VPS37A: variants seen among roughly 807,000 people sequenced by gnomAD.
VPS37A encodes the protein vacuolar protein sorting-associated protein 37A.
VPS37A carries 30 observed loss-of-function variants against 49.8 expected under a neutral mutation model. The observed-to-expected ratio is 0.60, with a 90% CI of 0.45 to 0.82. VPS37A has a LOEUF of 0.82. Ranked by LOEUF, VPS37A falls within the 40% of genes least tolerant of loss-of-function variation. VPS37A has a pLI of 0.00. For synonymous variants in VPS37A, 195 were observed against 160.6 expected (o/e 1.21, Z -1.62); for missense variants, 593 against 464.4 (o/e 1.28, Z -2.55).
At position 17,284,582 on chromosome 8, in the gene VPS37A, A is replaced by C; in HGVS notation, c.1079A>C (p.Asp360Ala). 6.2e-7 allele frequency: 1 copy of C among 1,600,662 alleles called. No homozygotes were observed. The highest frequency in any genetic ancestry group is 8.5e-7 in the Non-Finnish European group (1 of 1,175,500). ...TTCTTGGAGGGAAAGATGGAAATAG[A>C]TGATTTTCTCAGTAGCTTCATGGAA... The part of the protein sequence containing the change: ...EDFLEGKMEI[D>A]DFLSSFMEKR... The change falls in exon 10 of 12, where the codon GAT (aspartate) becomes GCT (alanine). Residue 360 changes from aspartate (D) to alanine (A), a missense_variant. Physicochemically the swap from Asp to Ala is moderately radical, Grantham distance 126. Transcript: ENST00000324849.
Position 17,268,902 on chromosome 8 carries a change from A to G in VPS37A, c.362A>G (p.Asp121Gly). ...GGAAAAATTATTCAGAGTCTGTTGG[A>G]TGAGTTTTGGAAGAATCCTCCAGTT... is the stretch of plus-strand genomic sequence containing the variant. ...DLGKIIQSLL[D>G]EFWKNPPVLA... is the part of the protein sequence containing the mutation. Residue 121 changes from aspartate (D) to glycine (G), a missense_variant, in exon 4 of 12, where the codon GAT (aspartate) becomes GGT (glycine). Physicochemically the swap from Asp to Gly is moderately conservative, Grantham distance 94. Coordinates refer to ENST00000324849, the MANE Select transcript of VPS37A (RefSeq NM_152415.3). The G allele has an allele frequency of 6.2e-7, 1 of 1,611,032 alleles. No individual in the cohort carries two copies. Among genetic ancestry groups the G allele is most frequent in the Non-Finnish European group, 8.5e-7 (1 of 1,179,394 alleles).
the VPS37A span, among the ~76,000 whole-genome samples, chr8:17,318,825 C>A: frequency 6.6e-6 from 1 of 152,196 alleles, no homozygotes; most frequent in Non-Finnish European, 1.5e-5. Flanking sequence ...GAAGCAGCCT[C>A]CACAGGCATC....
the VPS37A span, among the ~76,000 whole-genome samples, chr8:17,322,885 A>G: frequency 6.6e-6 from 1 of 151,502 alleles, no homozygotes; most frequent in Non-Finnish European, 1.5e-5. Flanking sequence ...TATGTAAATA[A>G]TGGGGCTTGG....
the VPS37A span, chr8:17,311,576 C>A: frequency 6.2e-7 from 1 of 1,614,140 alleles, no homozygotes; most frequent in Non-Finnish European, 8.5e-7. Flanking sequence ...CACACCTGAG[C>A]GGTCCTGTCC....
intron 4 of VPS37A, among the ~76,000 whole-genome samples, chr8:17,273,932 T>TGTAA (rs1262032791): frequency 6.6e-6 from 1 of 152,194 alleles, no homozygotes; most frequent in East Asian, 1.9e-4. Flanking sequence ...AAAACATAAC[T>TGTAA]GTAAGTCCCT....
chr8:17,264,844 T>C (rs1813296340), intron 1 of VPS37A, among the ~76,000 whole-genome samples: 1 of 152,150 alleles, frequency 6.6e-6, no homozygotes, highest in Admixed American at 6.5e-5. Context: ...ATCATGAATA[T>C]TGGTTAGAAT....
At chr8:17,289,803 G>A (rs548022591) in intron 11 of VPS37A, among the ~76,000 whole-genome samples, 11 of 152,250 alleles carry the variant, frequency 7.2e-5, no homozygotes, top group African/African-American at 1.4e-4. Context: ...CAGTATGGCC[G>A]TTATCACGAT....
chr8:17,289,320 G>C (rs948292891), intron 11 of VPS37A, among the ~76,000 whole-genome samples: 2 of 152,140 alleles, frequency 1.3e-5, no homozygotes, highest in African/African-American at 4.8e-5. Flanking sequence ...TTTTCTTCTA[G>C]GGTTTTTATG....
the VPS37A span, among the ~76,000 whole-genome samples, chr8:17,324,331 C>A: frequency 2.6e-5 from 4 of 152,308 alleles, no homozygotes; most frequent in South Asian, 6.2e-4. Flanking sequence ...AGGTATTGTG[C>A]CTGAGGCTCT....
chr8:17,325,488 T>C, the VPS37A span, among the ~76,000 whole-genome samples: 1 of 152,214 alleles, frequency 6.6e-6, no homozygotes, highest in Non-Finnish European at 1.5e-5. Flanking sequence ...TGGTTCTATT[T>C]TGAGGCCTGC....
downstream of VPS37A, chr8:17,300,198 C>G: frequency 6.2e-7 from 1 of 1,606,646 alleles, no homozygotes; most frequent in South Asian, 1.1e-5. Context: ...TGCAATTTAA[C>G]TGGACCTTTT....
the VPS37A span, among the ~76,000 whole-genome samples, chr8:17,325,906 G>A: frequency 1.3e-5 from 2 of 152,138 alleles, no homozygotes; most frequent in African/African-American, 2.4e-5. Context: ...ATTTCATTGA[G>A]TGCTTATTTT....
downstream of VPS37A, among the ~76,000 whole-genome samples, chr8:17,306,782 G>C (rs1317106112): frequency 6.6e-6 from 1 of 152,182 alleles, no homozygotes; most frequent in Non-Finnish European, 1.5e-5. Flanking sequence ...CTTCTCAGAT[G>C]TTACAGTTTC....
the VPS37A span, among the ~76,000 whole-genome samples, chr8:17,327,904 A>G: frequency 2.0e-5 from 3 of 152,368 alleles, no homozygotes; most frequent in African/African-American, 7.2e-5. Context: ...TCATCTATAC[A>G]GTACAGATAA....
At chr8:17,332,545 T>C in the VPS37A span, among the ~76,000 whole-genome samples, 5 of 152,158 alleles carry the variant, frequency 3.3e-5, no homozygotes, top group African/African-American at 7.2e-5. Flanking sequence ...GGTTATATCA[T>C]GATGAGCCCA....
chr8:17,321,492 C>T, the VPS37A span, among the ~76,000 whole-genome samples: 1 of 152,130 alleles, frequency 6.6e-6, no homozygotes, highest in East Asian at 1.9e-4. Flanking sequence ...TGTTTTCTTC[C>T]CCTGTGTGCT....
rs748805174 is a variant in VPS37A, at chr8:17,276,473, C to G, written c.713+6C>G. On this transcript the variant is annotated splice_donor_region_variant and intron_variant, in intron 6 of 11. Transcript: ENST00000324849. ...CCAGAACTCTCAGAACTAAGGTAAA[C>G]CTGGAAAGTAAAGTTGGTCACATTG... 1.2e-6 allele frequency: 2 copies of G among 1,605,102 alleles called. No individual in the cohort carries two copies. Among genetic ancestry groups the G allele is most frequent in the Non-Finnish European group, 1.7e-6 (2 of 1,176,018 alleles).
the VPS37A span, among the ~76,000 whole-genome samples, chr8:17,332,573 C>T: frequency 2.2e-4 from 34 of 152,198 alleles, no homozygotes; most frequent in Middle Eastern, 3.4e-3. Context: ...TTGAAAATGC[C>T]GTAAGTGAAA....
At chr8:17,321,421 T>C in the VPS37A span, among the ~76,000 whole-genome samples, 5 of 152,230 alleles carry the variant, frequency 3.3e-5, no homozygotes, top group Non-Finnish European at 5.9e-5. Context: ...AGCATTAACA[T>C]TGCGTGTGCT....
Sources: allele counts gnomAD v4.1 joint callset (sites outside exome capture counted in the v4.1 genomes callset), GRCh38; gene constraint gnomAD v4.1.1; transcripts MANE v1.5; gene names NCBI Gene and HGNC (gene_info 2026-07-23, HGNC 2026-07-21).